ZNF280D: variants seen among roughly 807,000 people sequenced by gnomAD.
ZNF280D encodes the protein zinc finger protein 280D, also known as suppressor of hairy wing homolog 4.
In ZNF280D, 39 loss-of-function variants were observed where a neutral mutation model predicts 94.7. The observed-to-expected ratio is 0.41, with a 90% CI of 0.32 to 0.54. The LOEUF (loss-of-function observed/expected upper bound fraction) is 0.54, where lower values mean the gene tolerates loss of function less well. ZNF280D is among the 20% of genes least tolerant of loss of function. The pLI, the probability that ZNF280D is intolerant of heterozygous loss-of-function variation, is 0.22. For missense variants in ZNF280D, 1,090 were observed against 1,149.3 expected (o/e 0.95, Z 0.75); for synonymous variants, 398 against 377.6 (o/e 1.05, Z -0.63).
chr15:56,649,405 G>A (rs1048594799), intron 19 of ZNF280D, among the ~76,000 whole-genome samples: 1 of 152,022 alleles, frequency 6.6e-6, no homozygotes, highest in South Asian at 2.1e-4. Flanking sequence ...AGTCCAAATT[G>A]CCAGAAACCA....
At chr15:56,683,767 G>C (rs1290206378) in intron 9 of ZNF280D, among the ~76,000 whole-genome samples, 1 of 152,226 alleles carries the variant, frequency 6.6e-6, no homozygotes, top group East Asian at 1.9e-4. Context: ...TTCCTCCTGA[G>C]AGTCATCCAA....
chr15:56,703,879 C>G lies in ZNF280D; in HGVS notation c.175+242G>C, dbSNP rs2057241079. 3.2e-5 allele frequency among the ~76,000 whole-genome samples: 3 copies of G among 94,724 alleles called. No homozygotes were observed. The South Asian group carries it at 1.0e-3, about 33-fold the overall frequency. 62.1% of individuals were successfully genotyped at this position (94,724 alleles called of 152,430 possible). On this transcript the variant is annotated intron_variant, in intron 4 of 21. Coordinates refer to ENST00000267807, the MANE Select transcript of ZNF280D (RefSeq NM_017661.4). Reference sequence around the variant, plus strand: ...AAATAAATAAATAAATAAATAATTACTTAACTCCATTAAAAATTATGATTT... The same window carrying G: ...AAATAAATAAATAAATAAATAATTAGTTAACTCCATTAAAAATTATGATTT...
At chr15:56,689,525 C>A (rs1352984233) in intron 7 of ZNF280D, 55 bp from the exon 8 acceptor site, 3 of 1,078,882 alleles carry the variant, frequency 2.8e-6, no homozygotes, top group Non-Finnish European at 2.5e-6. Context: ...ATATTATTTA[C>A]ATCTGAGTAA....
rs544046113 is a variant in ZNF280D at position 56,689,334 on chromosome 15, A to G, written c.636T>C (p.Pro212=). ...SSAVLPSVKS[P]SVTSSQAMLA... is the part of the protein sequence containing the mutation. ...GCATAGCCTGGGAAGAAGTCACTGA[A>G]GGAGATTTAACTGAAGGTAATACAG... is the stretch of plus-strand genomic sequence containing the variant. The change falls in exon 8 of 22, where the codon CCT becomes CCC. Residue 212 remains proline (P), a synonymous_variant. Coordinates refer to ENST00000267807, the MANE Select transcript of ZNF280D (RefSeq NM_017661.4). 15 of 1,607,562 alleles carry G rather than the reference A, an allele frequency of 9.3e-6. No individual in the cohort carries two copies. In the African/African-American group the frequency reaches 1.1e-4, roughly 11 times the overall value.
intron 1 of ZNF280D, 143 bp downstream of exon 1, chr15:56,733,315 C>T (rs528389070): frequency 7.9e-5 from 26 of 328,968 alleles, no homozygotes; most frequent in Non-Finnish European, 9.6e-5. Flanking sequence ...CCGGTCTCCT[C>T]CCCCGCGCTC....
intron 21 of ZNF280D, among the ~76,000 whole-genome samples, chr15:56,632,388 G>A (rs369646766): frequency 6.6e-6 from 1 of 150,540 alleles, no homozygotes; most frequent in East Asian, 1.9e-4. Context: ...ATTTTCATCT[G>A]TTCATATCTC....
intron 20 of ZNF280D, among the ~76,000 whole-genome samples, chr15:56,641,888 C>T (rs1000669781): frequency 6.6e-6 from 1 of 151,422 alleles, no homozygotes; most frequent in East Asian, 1.9e-4. Flanking sequence ...TTTTTAATTG[C>T]CCTAAAAAAA....
chr15:56,714,081 C>G (rs1422239386), intron 1 of ZNF280D, among the ~76,000 whole-genome samples: 3 of 152,124 alleles, frequency 2.0e-5, no homozygotes, highest in Admixed American at 6.5e-5. Context: ...GATGAAATTT[C>G]AAATCAATAC....
intron 21 of ZNF280D, among the ~76,000 whole-genome samples, chr15:56,632,814 A>G (rs967428858): frequency 9.2e-5 from 14 of 152,240 alleles, no homozygotes; most frequent in Admixed American, 2.6e-4. Context: ...ATAGCTTCTT[A>G]TGTTTAGAAT....
chr15:56,664,210 A>G (rs1387340061), intron 16 of ZNF280D, among the ~76,000 whole-genome samples: 1 of 152,198 alleles, frequency 6.6e-6, no homozygotes, highest in African/African-American at 2.4e-5. Flanking sequence ...GAGGAATGTT[A>G]GTTGGTAGGT....
rs1444162575 is a variant in ZNF280D, at chr15:56,666,455, T to A, written c.1934A>T (p.His645Leu). ...AGTGTTGTATCTGCAAAAACTACAG[T>A]GGACGTACGTAGGAAAGTGGTTTGC... ...DFANHFPTYV[H>L]CSFCRYNTSC... Residue 645 changes from histidine (H) to leucine (L), a missense_variant, in exon 16 of 22, where the codon CAC (histidine) becomes CTC (leucine). His to Leu is a moderately conservative substitution (Grantham distance 99, BLOSUM62 -3). This residue lies in a region of ZNF280D where 577 missense variants were observed against 568.8 expected (regional missense o/e 1.01). Coordinates refer to ENST00000267807, the MANE Select transcript of ZNF280D (RefSeq NM_017661.4). 1.9e-6 allele frequency: 3 copies of A among 1,602,138 alleles called. No individual in the cohort carries two copies.
At chr15:56,709,530 A>C (rs1407806119) in intron 1 of ZNF280D, among the ~76,000 whole-genome samples, 1 of 152,186 alleles carries the variant, frequency 6.6e-6, no homozygotes, top group Non-Finnish European at 1.5e-5. Flanking sequence ...AAGGATTATA[A>C]ATCATGTTGC....
intron 13 of ZNF280D, among the ~76,000 whole-genome samples, chr15:56,670,337 C>T (rs1320451978): frequency 2.0e-5 from 3 of 151,596 alleles, no homozygotes; most frequent in Non-Finnish European, 4.4e-5. Flanking sequence ...CTGATCCTCT[C>T]TCTCCTCCCA....
chr15:56,666,752 T>C lies in ZNF280D; in HGVS notation c.1780A>G (p.Met594Val), dbSNP rs1476375083. The C allele has an allele frequency of 1.2e-6, 2 of 1,613,682 alleles. No homozygotes were observed. The highest frequency in any genetic ancestry group is 1.7e-6 in the Non-Finnish European group (2 of 1,179,808). The stretch of plus-strand genomic sequence containing the variant: ...GCCAATGTGCTTTGTTTCTTTTGCA[T>C]ATTAGAGATTTTTGGTTTGTATTTA... ...KSKYKPKISN[M>V]QKKQSTLASS... The change falls in exon 15 of 22, where the codon ATG (methionine) becomes GTG (valine). Residue 594 changes from methionine (M) to valine (V), a missense_variant. Met to Val is a conservative substitution (Grantham distance 21). Coordinates refer to ENST00000267807, the MANE Select transcript of ZNF280D (RefSeq NM_017661.4).
At chr15:56,644,066 A>C (rs2052761392) in intron 19 of ZNF280D, among the ~76,000 whole-genome samples, 1 of 152,024 alleles carries the variant, frequency 6.6e-6, no homozygotes, top group Non-Finnish European at 1.5e-5. Flanking sequence ...TTAATAATTA[A>C]CTGTATGAAA....
At chr15:56,683,081 G>T (rs1467537060) in intron 9 of ZNF280D, among the ~76,000 whole-genome samples, 8 of 152,052 alleles carry the variant, frequency 5.3e-5, no homozygotes, top group African/African-American at 1.9e-4. Context: ...ACCCATAATA[G>T]ATGATAAATT....
chr15:56,693,286 TTATG>T (rs2056531024), intron 6 of ZNF280D, 71 bp from the exon 7 acceptor site: 1 of 405,136 alleles, frequency 2.5e-6, no homozygotes, highest in East Asian at 6.8e-5. Context: ...TAATTATATA[TTATG>T]TAATTTTATA....
intron 3 of ZNF280D, 144 bp from the exon 4 acceptor site, chr15:56,704,411 A>C (rs2057275948): frequency 1.3e-6 from 1 of 771,876 alleles, no homozygotes; most frequent in Non-Finnish European, 2.0e-6. Context: ...AGTATGTGGT[A>C]ACAACAGTGA....
At chr15:56,665,146 G>A (rs977544873) in intron 16 of ZNF280D, among the ~76,000 whole-genome samples, 1 of 152,168 alleles carries the variant, frequency 6.6e-6, no homozygotes. Context: ...TGGGAAAACC[G>A]AGAGAAGTGC....
Sources: gnomAD v4.1 joint callset for allele counts (sites outside exome capture counted in the v4.1 genomes callset) on GRCh38, gnomAD v4.1.1 for gene constraint, gnomAD v4.1.1 regional missense constraint, MANE v1.5 for transcripts, NCBI Gene and HGNC (gene_info 2026-07-23, HGNC 2026-07-21) for gene names.